Variants in NRDC observed in about 807,000 individuals in gnomAD.
NRDC encodes nardilysin convertase, also known as nardilysin.
In NRDC, 54 loss-of-function variants were observed where a neutral mutation model predicts 147.1. The ratio of observed to expected loss-of-function variants is 0.37; its 90% confidence interval spans 0.29 to 0.46. NRDC has a LOEUF of 0.46. NRDC is among the 20% of genes least tolerant of loss of function. The pLI is 1.00. For synonymous variants in NRDC, 440 were observed against 482.1 expected (o/e 0.91, Z 1.14); for missense variants, 1,082 against 1,370.6 (o/e 0.79, Z 3.33).
intron 20 of NRDC, among the ~76,000 whole-genome samples, chr1:51,803,428 TCACAC>T (rs1171122151): frequency 6.8e-6 from 1 of 146,306 alleles, no homozygotes; most frequent in African/African-American, 2.6e-5. Context: ...TGAACCAAGA[TCACAC>T]CACTGCATTC....
intron 4 of NRDC, among the ~76,000 whole-genome samples, chr1:51,829,122 G>T (rs1680587384): frequency 6.6e-6 from 1 of 152,070 alleles, no homozygotes; most frequent in Admixed American, 6.6e-5. Flanking sequence ...AGTGTGTAGT[G>T]GCACATCACG....
chr1:51,867,520 C>T (rs1252582024), intron 1 of NRDC, among the ~76,000 whole-genome samples: 3 of 152,042 alleles, frequency 2.0e-5, no homozygotes, highest in Non-Finnish European at 2.9e-5. Flanking sequence ...GATGAGAAGT[C>T]TGAAAATTGA....
chr1:51,829,390 G>C (rs1680601641), intron 4 of NRDC, among the ~76,000 whole-genome samples: 1 of 152,214 alleles, frequency 6.6e-6, no homozygotes, highest in Non-Finnish European at 1.5e-5. Flanking sequence ...TACAATTTAT[G>C]ATTCTAGTTA....
intron 1 of NRDC, among the ~76,000 whole-genome samples, chr1:51,858,716 T>G (rs1346076293): frequency 6.6e-6 from 1 of 152,184 alleles, no homozygotes; most frequent in African/African-American, 2.4e-5. Flanking sequence ...ATGGGCTCCA[T>G]CTACCCTGAA....
intron 7 of NRDC, 74 bp downstream of exon 7, chr1:51,823,590 A>G (rs1680306875): frequency 2.5e-6 from 3 of 1,215,778 alleles, no homozygotes; most frequent in Non-Finnish European, 3.5e-6. Context: ...GTACACTACA[A>G]CACTGATACA....
At chr1:51,835,280 C>T (rs1281252642) in intron 3 of NRDC, among the ~76,000 whole-genome samples, 6 of 151,808 alleles carry the variant, frequency 4.0e-5, no homozygotes, top group Non-Finnish European at 2.9e-5. Context: ...AGGCTGGTCT[C>T]GAACTCCTGA....
chr1:51,824,029 C>A (rs1680331992), intron 6 of NRDC, among the ~76,000 whole-genome samples: 1 of 151,726 alleles, frequency 6.6e-6, no homozygotes, highest in East Asian at 1.9e-4. Flanking sequence ...AAAAAACAGA[C>A]AATAACTCCC....
chr1:51,812,165 CAAAT>C (rs2149201622), intron 14 of NRDC, 67 bp from the exon 15 acceptor site: 1 of 1,081,368 alleles, frequency 9.2e-7, no homozygotes, highest in African/African-American at 1.6e-5. Flanking sequence ...CCACAACATA[CAAAT>C]ACTTTCTCCC....
chr1:51,851,610 C>T (rs1318316868), intron 1 of NRDC, among the ~76,000 whole-genome samples: 1 of 151,230 alleles, frequency 6.6e-6, no homozygotes, highest in Non-Finnish European at 1.5e-5. Flanking sequence ...TTTAAGACTC[C>T]AGAAAAAAGC....
chr1:51,853,728 T>C (rs1044206125), intron 1 of NRDC, among the ~76,000 whole-genome samples: 4 of 152,168 alleles, frequency 2.6e-5, no homozygotes, highest in African/African-American at 9.7e-5. Flanking sequence ...GGGAGGAGTG[T>C]GTATGGTTGC....
chr1:51,849,784 C>G (rs965846900), intron 1 of NRDC, among the ~76,000 whole-genome samples: 3 of 151,712 alleles, frequency 2.0e-5, no homozygotes, highest in Admixed American at 6.6e-5. Flanking sequence ...CCATTGCACT[C>G]CAGCCGGGGC....
At position 51,813,094 on chromosome 1, in the gene NRDC, C is replaced by T. The variant is rs144335870; in HGVS notation, c.1674+941G>A. Among the ~76,000 whole-genome samples, 1,154 of 151,690 alleles carry T rather than the reference C, an allele frequency of 7.6e-3. 16 individuals are homozygous for T. Among genetic ancestry groups the T allele is most frequent in the African/African-American group, 0.027 (1,100 of 41,342 alleles). ...CAGTTTGAGGTAAGCCTGGGCAACA[C>T]AGCAAGACCCTGTCTCTAATTAAAA... On this transcript the variant is annotated intron_variant, in intron 14 of 30. Coordinates refer to ENST00000352171, the MANE Select transcript of NRDC (RefSeq NM_001101662.2).
At chr1:51,868,080 G>A (rs567395782) in intron 1 of NRDC, among the ~76,000 whole-genome samples, 1 of 152,316 alleles carries the variant, frequency 6.6e-6, no homozygotes, top group African/African-American at 2.4e-5. Context: ...GGAGAGTAGA[G>A]ATAAGGTCTT....
chr1:51,834,819 A>G (rs925717883), intron 3 of NRDC, among the ~76,000 whole-genome samples: 4 of 152,156 alleles, frequency 2.6e-5, no homozygotes, highest in African/African-American at 9.7e-5. Context: ...AAATTCACAA[A>G]CATATATGCA....
intron 2 of NRDC, 28 bp downstream of exon 2, chr1:51,840,198 A>G: frequency 6.5e-7 from 1 of 1,549,954 alleles, no homozygotes; most frequent in Non-Finnish European, 8.7e-7. Flanking sequence ...GAATTCCCAA[A>G]TTAGAAGAAA....
intron 1 of NRDC, among the ~76,000 whole-genome samples, chr1:51,847,664 G>A (rs958610429): frequency 2.6e-5 from 4 of 152,232 alleles, no homozygotes; most frequent in Non-Finnish European, 4.4e-5. Flanking sequence ...CACTCTGAGT[G>A]CGGGCCCGCC....
chr1:51,858,471 T>TAA (rs79682328), intron 1 of NRDC, among the ~76,000 whole-genome samples: 171 of 122,010 alleles, frequency 1.4e-3, no homozygotes, highest in African/African-American at 3.2e-3. Context: ...ACCCTGTCTT[T>TAA]AAAAAAAAAA....
At chr1:51,874,131 T>A (rs1165098992) in intron 1 of NRDC, among the ~76,000 whole-genome samples, 3 of 147,552 alleles carry the variant, frequency 2.0e-5, no homozygotes, top group African/African-American at 7.6e-5. Flanking sequence ...TGTCTCAAAA[T>A]TTTTTTTAAT....
At chr1:51,859,032 TAA>T (rs948781181) in intron 1 of NRDC, among the ~76,000 whole-genome samples, 1 of 152,230 alleles carries the variant, frequency 6.6e-6, no homozygotes, top group Non-Finnish European at 1.5e-5. Context: ...TATGTACGCC[TAA>T]AGTCTTAGGT....
Sources: allele counts gnomAD v4.1 joint callset (sites outside exome capture counted in the v4.1 genomes callset), GRCh38; gene constraint gnomAD v4.1.1; transcripts MANE v1.5; gene names NCBI Gene and HGNC (gene_info 2026-07-23, HGNC 2026-07-21).